Variants in SORCS2 observed in about 807,000 individuals in gnomAD.
The protein encoded by SORCS2 is VPS10 domain-containing receptor SorCS2.
In SORCS2, 100 loss-of-function variants were observed where a neutral mutation model predicts 141.6. That is an observed-to-expected ratio of 0.71 (90% CI 0.60 to 0.83). The LOEUF is 0.83. SORCS2 is among the 40% of genes least tolerant of loss of function. The pLI, the probability that SORCS2 is intolerant of heterozygous loss-of-function variation, is 0.00. For synonymous variants in SORCS2, 789 were observed against 676.9 expected, an observed-to-expected ratio of 1.17 and a Z score of -2.57; for missense variants, 1,646 against 1,560.2, an observed-to-expected ratio of 1.05 and a Z score of -0.93.
At chr4:7,473,636 A>G (rs1202947329) in intron 2 of SORCS2, among the ~76,000 whole-genome samples, 1 of 152,174 alleles carries the variant, frequency 6.6e-6, no homozygotes, top group East Asian at 1.9e-4. Context: ...AATGCCAAGC[A>G]TAGGCGTGTC....
At chr4:7,505,200 T>C (rs1732202035) in intron 2 of SORCS2, among the ~76,000 whole-genome samples, 1 of 152,122 alleles carries the variant, frequency 6.6e-6, no homozygotes, top group Admixed American at 6.5e-5. Context: ...TAAAATAAGC[T>C]TGGACAGCAT....
At chr4:7,734,169 G>C in intron 24 of SORCS2, 103 bp from the exon 25 acceptor site, 2 of 794,778 alleles carry the variant, frequency 2.5e-6, no homozygotes, top group South Asian at 3.3e-5. Context: ...GGGATGGGCG[G>C]GGGACAGGCT....
intron 1 of SORCS2, among the ~76,000 whole-genome samples, chr4:7,228,071 G>T (rs1007372087): frequency 5.9e-5 from 9 of 152,164 alleles, no homozygotes; most frequent in African/African-American, 2.2e-4. Flanking sequence ...TGCAGGCTGG[G>T]GGCTTCCACA....
intron 2 of SORCS2, among the ~76,000 whole-genome samples, chr4:7,464,946 G>GCTC (rs1444806685): frequency 2.0e-5 from 3 of 152,246 alleles, no homozygotes; most frequent in Non-Finnish European, 4.4e-5. Context: ...CTCCACGGCG[G>GCTC]CTCCTCGCTG....
chr4:7,622,362 G>A (rs1719251558), intron 3 of SORCS2, among the ~76,000 whole-genome samples: 1 of 152,318 alleles, frequency 6.6e-6, no homozygotes, highest in South Asian at 2.1e-4. Flanking sequence ...TCTGTGCCTT[G>A]CAGGGTTGAG....
At chr4:7,503,325 C>G (rs1732083347) in intron 2 of SORCS2, among the ~76,000 whole-genome samples, 1 of 152,166 alleles carries the variant, frequency 6.6e-6, no homozygotes, top group Admixed American at 6.6e-5. Flanking sequence ...AAATGAGTAA[C>G]AGAGTTGTCT....
chr4:7,487,896 C>T (rs971300172), intron 2 of SORCS2, among the ~76,000 whole-genome samples: 1 of 152,090 alleles, frequency 6.6e-6, no homozygotes, highest in Non-Finnish European at 1.5e-5. Context: ...TTAAAATTTT[C>T]TTTTGTAGAC....
chr4:7,423,646 A>C (rs1408216922), intron 2 of SORCS2, among the ~76,000 whole-genome samples: 1 of 152,142 alleles, frequency 6.6e-6, no homozygotes, highest in Admixed American at 6.5e-5. Context: ...GGGACAGGTC[A>C]GTTTCGTGCC....
At chr4:7,553,892 A>G (rs1395302950) in intron 3 of SORCS2, among the ~76,000 whole-genome samples, 2 of 152,230 alleles carry the variant, frequency 1.3e-5, no homozygotes, top group East Asian at 3.8e-4. Context: ...TCATCACATT[A>G]GTTGATGTGA....
chr4:7,512,388 G>A (rs1302993580), intron 2 of SORCS2, among the ~76,000 whole-genome samples: 2 of 143,686 alleles, frequency 1.4e-5, no homozygotes, highest in African/African-American at 5.1e-5. Context: ...GAAGAAGGAG[G>A]GAAGAAGGAA....
chr4:7,404,986 G>C (rs1012131090), intron 2 of SORCS2, among the ~76,000 whole-genome samples: 3 of 151,868 alleles, frequency 2.0e-5, no homozygotes, highest in African/African-American at 7.3e-5. Context: ...TTATAGTTTT[G>C]GGCCTTACAT....
At chr4:7,243,169 G>C (rs186268572) in intron 1 of SORCS2, among the ~76,000 whole-genome samples, 79 of 152,304 alleles carry the variant, frequency 5.2e-4, no homozygotes, top group Admixed American at 1.4e-3. Context: ...ATTGCACTTA[G>C]TTGTCACGTG....
chr4:7,534,842 G>A (rs1711976920), intron 3 of SORCS2, among the ~76,000 whole-genome samples: 1 of 152,240 alleles, frequency 6.6e-6, no homozygotes, highest in South Asian at 2.1e-4. Context: ...AATTTCTATT[G>A]CTTCAAGCCA....
At chr4:7,580,889 CT>C (rs1716099014) in intron 3 of SORCS2, among the ~76,000 whole-genome samples, 1 of 151,996 alleles carries the variant, frequency 6.6e-6, no homozygotes, top group South Asian at 2.1e-4. Flanking sequence ...ACTGGGAGGC[CT>C]CCCCCAAATT....
intron 26 of SORCS2, among the ~76,000 whole-genome samples, chr4:7,738,431 G>A (rs539284664): frequency 6.0e-4 from 91 of 152,324 alleles, no homozygotes; most frequent in Non-Finnish European, 1.0e-3. Context: ...GGTGGTGAAC[G>A]GAGCTGGAAG....
chr4:7,622,852 G>C (rs1040303458), intron 3 of SORCS2, among the ~76,000 whole-genome samples: 3 of 152,122 alleles, frequency 2.0e-5, no homozygotes, highest in African/African-American at 7.2e-5. Flanking sequence ...TGGTAGGAAG[G>C]AGGAGAATAA....
At chr4:7,471,481 T>A (rs2109346492) in intron 2 of SORCS2, among the ~76,000 whole-genome samples, 1 of 152,344 alleles carries the variant, frequency 6.6e-6, no homozygotes, top group Admixed American at 6.5e-5. Context: ...AATGATACAG[T>A]GCAGGCTGGA....
chr4:7,249,956 G>T (rs1713376729), intron 1 of SORCS2, among the ~76,000 whole-genome samples: 1 of 152,168 alleles, frequency 6.6e-6, no homozygotes, highest in Admixed American at 6.5e-5. Context: ...AAGAAAGAGG[G>T]GTAGGCTGGA....
chr4:7,553,865 A>C (rs760457893), intron 3 of SORCS2, among the ~76,000 whole-genome samples: 18 of 152,168 alleles, frequency 1.2e-4, no homozygotes, highest in Non-Finnish European at 2.1e-4. Flanking sequence ...ATACAGAGGG[A>C]GGTCAGAGGC....
Sources: allele counts gnomAD v4.1 joint callset (sites outside exome capture counted in the v4.1 genomes callset), GRCh38; gene constraint gnomAD v4.1.1; transcripts MANE v1.5; gene names NCBI Gene and HGNC (gene_info 2026-07-23, HGNC 2026-07-21).